The following UNC5C variants were observed in gnomAD, a reference collection of about 807,000 sequenced individuals.
The protein encoded by UNC5C is netrin receptor UNC5C.
A neutral mutation model predicts 99.8 loss-of-function variants in UNC5C; 47 were observed. The ratio of observed to expected loss-of-function variants is 0.47; its 90% CI spans 0.37 to 0.60. UNC5C has a LOEUF of 0.60. Ranked by LOEUF, UNC5C falls within the 20% of genes least tolerant of loss-of-function variation. UNC5C has a pLI of 0.00. For missense variants in UNC5C, 1,062 were observed against 1,165.9 expected, an observed-to-expected ratio of 0.91 and a Z score of 1.30; for synonymous variants, 487 against 452.2, an observed-to-expected ratio of 1.08 and a Z score of -0.98.
At chr4:95,529,663 G>A (rs549191736) in intron 1 of UNC5C, among the ~76,000 whole-genome samples, 17 of 152,080 alleles carry the variant, frequency 1.1e-4, no homozygotes, top group African/African-American at 4.1e-4. Context: ...GGAGGTCGAA[G>A]CTGCAGTGAG....
chr4:95,226,354 A>C (rs1471922608), intron 7 of UNC5C, among the ~76,000 whole-genome samples: 1 of 152,178 alleles, frequency 6.6e-6, no homozygotes, highest in Admixed American at 6.5e-5. Flanking sequence ...AGGGGATATG[A>C]ATACTTACAT....
chr4:95,403,599 A>G (rs1006110530), intron 1 of UNC5C, among the ~76,000 whole-genome samples: 2 of 152,246 alleles, frequency 1.3e-5, no homozygotes, highest in African/African-American at 4.8e-5. Flanking sequence ...TTGAAATAAA[A>G]TAAATAGATG....
At chr4:95,523,728 C>CA (rs1387027370) in intron 1 of UNC5C, among the ~76,000 whole-genome samples, 1 of 151,964 alleles carries the variant, frequency 6.6e-6, no homozygotes, top group African/African-American at 2.4e-5. Flanking sequence ...CCATGTACTA[C>CA]AAAAAAACAC....
intron 1 of UNC5C, among the ~76,000 whole-genome samples, chr4:95,388,190 G>C (rs1485248251): frequency 6.6e-6 from 1 of 152,080 alleles, no homozygotes; most frequent in Admixed American, 6.5e-5. Context: ...CAGCAAAAAA[G>C]TACAGTAATT....
chr4:95,171,151 C>T (rs904109287), intron 14 of UNC5C, among the ~76,000 whole-genome samples: 4 of 152,142 alleles, frequency 2.6e-5, no homozygotes, highest in Admixed American at 2.6e-4. Flanking sequence ...CAAATGGTGC[C>T]TGGGAACTAT....
At chr4:95,404,159 T>G (rs1333659627) in intron 1 of UNC5C, among the ~76,000 whole-genome samples, 1 of 152,214 alleles carries the variant, frequency 6.6e-6, no homozygotes, top group Non-Finnish European at 1.5e-5. Context: ...AATTGCTGCT[T>G]ATTTTCACAA....
intron 2 of UNC5C, among the ~76,000 whole-genome samples, chr4:95,330,342 G>C (rs1197952302): frequency 6.6e-6 from 1 of 151,980 alleles, no homozygotes; most frequent in Non-Finnish European, 1.5e-5. Flanking sequence ...ATAAGCATTA[G>C]ACATTTAAAC....
At chr4:95,372,212 T>C (rs1252536593) in intron 1 of UNC5C, among the ~76,000 whole-genome samples, 1 of 152,218 alleles carries the variant, frequency 6.6e-6, no homozygotes, top group Non-Finnish European at 1.5e-5. Context: ...ATTCACTAAA[T>C]ATGCCCGTAT....
At chr4:95,510,349 C>T (rs1578201744) in intron 1 of UNC5C, among the ~76,000 whole-genome samples, 1 of 152,014 alleles carries the variant, frequency 6.6e-6, no homozygotes, top group Non-Finnish European at 1.5e-5. Context: ...AGAGGGCAAG[C>T]CACACTCTGC....
At chr4:95,306,876 A>G (rs1560779021) in intron 2 of UNC5C, among the ~76,000 whole-genome samples, 1 of 152,116 alleles carries the variant, frequency 6.6e-6, no homozygotes, top group Non-Finnish European at 1.5e-5. Flanking sequence ...GCAGGTTGGG[A>G]TGTTCTGGAA....
rs1008459024 is a variant in UNC5C, at chr4:95,168,656, G to A, written c.*578C>T. The A allele has an allele frequency of 6.6e-6, 1 of 152,650 alleles. No individual in the cohort carries two copies. The highest frequency in any genetic ancestry group is 1.5e-5 in the Non-Finnish European group (1 of 68,156). The allele number at this position is 152,650 out of a possible 1,614,324, so 9.5% of individuals were successfully genotyped here. On this transcript the variant is annotated 3_prime_UTR_variant, in exon 16 of 16. Transcript: ENST00000453304. Reference sequence around the variant, plus strand: ...CTTCCCTGATACAAACAGTAACACTGGTTCTACAAGTTCTAGAAACAGAAC... The same window carrying A: ...CTTCCCTGATACAAACAGTAACACTAGTTCTACAAGTTCTAGAAACAGAAC...
intron 1 of UNC5C, among the ~76,000 whole-genome samples, chr4:95,521,217 C>CTTTTT (rs201147890): frequency 4.4e-5 from 2 of 45,092 alleles, no homozygotes; most frequent in Non-Finnish European, 4.6e-5. Flanking sequence ...TTTCTTTTTT[C>CTTTTT]TTTTTTCTTT....
chr4:95,274,880 G>GC (rs921734804), intron 4 of UNC5C, among the ~76,000 whole-genome samples: 92 of 152,150 alleles, frequency 6.0e-4, no homozygotes, highest in African/African-American at 2.2e-3. Flanking sequence ...ACAAAAACTA[G>GC]CCATGCGTGG....
intron 1 of UNC5C, among the ~76,000 whole-genome samples, chr4:95,493,834 A>G (rs1281656711): frequency 6.6e-6 from 1 of 151,428 alleles, no homozygotes; most frequent in Non-Finnish European, 1.5e-5. Flanking sequence ...TCCAACCTAA[A>G]GGCCAATTCT....
At chr4:95,174,838 T>G (rs1231920005) in intron 14 of UNC5C, among the ~76,000 whole-genome samples, 1 of 148,686 alleles carries the variant, frequency 6.7e-6, no homozygotes, top group Non-Finnish European at 1.5e-5. Context: ...ATGTTGACAG[T>G]GGGGTGTTAA....
At chr4:95,473,143 CTCT>C (rs971248161) in intron 1 of UNC5C, among the ~76,000 whole-genome samples, 32 of 152,122 alleles carry the variant, frequency 2.1e-4, no homozygotes, top group Non-Finnish European at 1.2e-4. Context: ...TTCATGCCAA[CTCT>C]TCTTTTGTGT....
chr4:95,327,665 C>CCTG (rs1439091627), intron 2 of UNC5C, among the ~76,000 whole-genome samples: 5 of 152,050 alleles, frequency 3.3e-5, no homozygotes, highest in African/African-American at 1.2e-4. Flanking sequence ...GGCCTCTTCC[C>CCTG]CTGTAGCCCC....
chr4:95,236,327 G>A (rs551446833), intron 7 of UNC5C, among the ~76,000 whole-genome samples: 115 of 151,418 alleles, frequency 7.6e-4, no homozygotes, highest in Non-Finnish European at 9.9e-4. Context: ...GCAAACTATC[G>A]CAAGGACAAA....
chr4:95,475,675 G>C (rs1053084245), intron 1 of UNC5C, among the ~76,000 whole-genome samples: 2 of 152,028 alleles, frequency 1.3e-5, no homozygotes, highest in Non-Finnish European at 2.9e-5. Context: ...TCACAAAAAA[G>C]GGTTTTAAAA....
Sources: allele counts gnomAD v4.1 joint callset (sites outside exome capture counted in the v4.1 genomes callset), GRCh38; gene constraint gnomAD v4.1.1; transcripts MANE v1.5; gene names NCBI Gene and HGNC (gene_info 2026-07-23, HGNC 2026-07-21).